The following RALGPS1 variants were observed in gnomAD, a reference collection of about 807,000 sequenced individuals.
RALGPS1 encodes the protein Ral GEF with PH domain and SH3 binding motif 1.
In RALGPS1, 19 loss-of-function variants were observed where a neutral mutation model predicts 78.8. The ratio of observed to expected loss-of-function variants is 0.24; its 90% CI spans 0.17 to 0.35. RALGPS1 has a LOEUF of 0.35. Ranked by LOEUF, RALGPS1 falls within the 10% of genes least tolerant of loss-of-function variation. The pLI is 1.00. For missense variants in RALGPS1, 454 were observed against 688.3 expected, an observed-to-expected ratio of 0.66 and a Z score of 3.81; for synonymous variants, 228 against 256.3, an observed-to-expected ratio of 0.89 and a Z score of 1.06.
chr9:126,958,724 G>GCAC (rs1245718489), intron 1 of RALGPS1, among the ~76,000 whole-genome samples: 2 of 152,180 alleles, frequency 1.3e-5, no homozygotes, highest in Non-Finnish European at 2.9e-5. Flanking sequence ...GGTGCTATAA[G>GCAC]CATTCATGTT....
chr9:126,975,731 G>C (rs546609717), intron 3 of RALGPS1, among the ~76,000 whole-genome samples: 2 of 152,238 alleles, frequency 1.3e-5, no homozygotes, highest in East Asian at 3.9e-4. Context: ...GGCCTTCAGG[G>C]CTTACTGGCC....
At chr9:127,209,218 G>C (rs147789171) in intron 14 of RALGPS1, among the ~76,000 whole-genome samples, 1 of 152,240 alleles carries the variant, frequency 6.6e-6, no homozygotes, top group Non-Finnish European at 1.5e-5. Context: ...GAGCAGCCCC[G>C]GAGGTAGCCG....
At chr9:126,972,630 A>AT (rs2040227670) in intron 3 of RALGPS1, among the ~76,000 whole-genome samples, 1 of 152,224 alleles carries the variant, frequency 6.6e-6, no homozygotes, top group Non-Finnish European at 1.5e-5. Context: ...CCAGCTGCTG[A>AT]TTTGCAGACA....
chr9:127,000,860 A>G (rs997046021), intron 4 of RALGPS1, among the ~76,000 whole-genome samples: 2 of 151,022 alleles, frequency 1.3e-5, no homozygotes, highest in Non-Finnish European at 3.0e-5. Flanking sequence ...GGCCTCTGCT[A>G]TTGATTTCTA....
At chr9:127,165,264 C>T (rs1180084432) in intron 8 of RALGPS1, among the ~76,000 whole-genome samples, 1 of 152,274 alleles carries the variant, frequency 6.6e-6, no homozygotes, top group Non-Finnish European at 1.5e-5. Context: ...CCATGCACAT[C>T]TCCAGGTGGT....
Position 127,219,249 on chromosome 9 carries a change from C to T in RALGPS1, c.*480C>T, listed in dbSNP as rs192806859. 9.5e-6 allele frequency: 2 copies of T among 211,556 alleles called. No individual in the cohort carries two copies. Among genetic ancestry groups the T allele is most frequent in the African/African-American group, 2.3e-5 (1 of 43,470 alleles). The allele number at this position is 211,556 out of a possible 1,614,324, so 13.1% of individuals were successfully genotyped here. A position where few individuals can be genotyped will look rare whatever the true frequency, so the allele number is the denominator to read the frequency against. ...AACCCCGAAGCGTCCTCTGCGTGTG[C>T]GTGCTGTACGTGTGTGTGTGTGTGT... On this transcript the variant is annotated 3_prime_UTR_variant, in exon 19 of 19. Transcript: ENST00000259351. The surrounding 1 kb of genome is among the most constrained non-coding windows in gnomAD (Gnocchi z 5.0).
Position 127,168,688 on chromosome 9 carries a change from C to T in RALGPS1, c.758C>T (p.Thr253Ile). ...LQVSCSYDHL[T>I]TLPHVQKYLK... ...GGTCCACCTTTTGCAGATCACCTCACCACCCTGCCCCATGTGCAGAAGTAC... is the reference window on the plus strand; with the variant it reads ...GGTCCACCTTTTGCAGATCACCTCATCACCCTGCCCCATGTGCAGAAGTAC... Residue 253 changes from threonine (T) to isoleucine (I), a missense_variant, in exon 10 of 19, where the codon ACC becomes ATC. Transcript: ENST00000259351. 1 of 1,612,764 alleles carries T rather than the reference C, an allele frequency of 6.2e-7. No homozygotes were observed. The highest frequency in any genetic ancestry group is 8.5e-7 in the Non-Finnish European group (1 of 1,178,732).
intron 1 of RALGPS1, among the ~76,000 whole-genome samples, chr9:126,940,103 G>A (rs1284934153): frequency 6.6e-6 from 1 of 152,126 alleles, no homozygotes; most frequent in Non-Finnish European, 1.5e-5. Context: ...CTCCCATTGA[G>A]GCTGACCCCT....
At chr9:127,174,273 GAGAGAAAGAAAGAA>G (rs1273126156) in intron 10 of RALGPS1, among the ~76,000 whole-genome samples, 20 of 141,904 alleles carry the variant, frequency 1.4e-4, no homozygotes, top group African/African-American at 5.2e-4. Context: ...AAAAGAGAGA[GAGAGAAAGAAAGAA>G]AGAGAAAGAA....
chr9:127,077,721 T>G (rs1201192989), intron 8 of RALGPS1, among the ~76,000 whole-genome samples: 1 of 152,104 alleles, frequency 6.6e-6, no homozygotes, highest in Non-Finnish European at 1.5e-5. Context: ...TCCCCACGTT[T>G]CCAAGGTTCC....
chr9:127,208,406 T>C (rs62578787), intron 14 of RALGPS1, among the ~76,000 whole-genome samples: 1,877 of 152,268 alleles, frequency 0.012, 36 homozygotes, highest in Non-Finnish European at 0.017. Flanking sequence ...CTCTCCCTTA[T>C]CCTGAAAGGC....
intron 1 of RALGPS1, among the ~76,000 whole-genome samples, chr9:126,919,818 G>A (rs2034568350): frequency 6.6e-6 from 1 of 152,192 alleles, no homozygotes; most frequent in Admixed American, 6.5e-5. Flanking sequence ...CATGCTGTGT[G>A]TGGAGATCGG....
intron 5 of RALGPS1, among the ~76,000 whole-genome samples, chr9:127,044,576 AT>A (rs1480920357): frequency 6.6e-6 from 1 of 152,182 alleles, no homozygotes; most frequent in African/African-American, 2.4e-5. Context: ...TTTTAAAAAA[AT>A]AATTTCATGT....
chr9:127,031,619 C>T (rs975987435), intron 4 of RALGPS1, among the ~76,000 whole-genome samples: 5 of 152,208 alleles, frequency 3.3e-5, no homozygotes, highest in African/African-American at 9.6e-5. Flanking sequence ...ACTGAAGGAA[C>T]TGATGCTGAG....
rs74988436 is a variant in RALGPS1, at chr9:126,938,091, C to G, written c.-66+23116C>G. ...AATCCAGCAGTATACTTCTGTGAGT[C>G]TCTTCTGCAGAAATAAAGCACTGAT... On this transcript the variant is annotated intron_variant, in intron 1 of 18. Coordinates refer to ENST00000259351, the MANE Select transcript of RALGPS1 (RefSeq NM_014636.3). Among the ~76,000 whole-genome samples the G allele has an allele frequency of 7.2e-5, 11 of 152,294 alleles. No individual in the cohort carries two copies. In the East Asian group the frequency reaches 2.1e-3, roughly 29 times the overall value.
intron 5 of RALGPS1, among the ~76,000 whole-genome samples, chr9:127,035,170 C>T (rs1005432781): frequency 1.4e-4 from 21 of 152,210 alleles, no homozygotes; most frequent in Admixed American, 1.4e-3. Flanking sequence ...CCACCTTGCC[C>T]AATGTCAGGC....
intron 5 of RALGPS1, among the ~76,000 whole-genome samples, chr9:127,035,193 C>G (rs576501155): frequency 5.9e-4 from 90 of 152,180 alleles, no homozygotes; most frequent in Non-Finnish European, 1.2e-3. Flanking sequence ...ATCATAGACC[C>G]TCATTAACAA....
intron 4 of RALGPS1, among the ~76,000 whole-genome samples, chr9:127,003,759 A>G (rs751567922): frequency 6.6e-6 from 1 of 151,846 alleles, no homozygotes; most frequent in Non-Finnish European, 1.5e-5. Flanking sequence ...CAGGATGTGC[A>G]GGTTTGTTAC....
intron 11 of RALGPS1, among the ~76,000 whole-genome samples, chr9:127,179,082 C>T (rs904096062): frequency 1.3e-5 from 2 of 152,216 alleles, no homozygotes; most frequent in Non-Finnish European, 2.9e-5. Context: ...GGGCTGACTG[C>T]TGACTCGGCA....
Sources: allele counts gnomAD v4.1 joint callset (sites outside exome capture counted in the v4.1 genomes callset), GRCh38; gene constraint gnomAD v4.1.1; non-coding constraint Gnocchi (gnomAD v3.1); transcripts MANE v1.5; gene names NCBI Gene and HGNC (gene_info 2026-07-23, HGNC 2026-07-21).